Variants in TYW1 observed in about 807,000 individuals in gnomAD.
TYW1 encodes the protein tRNA-yW synthesizing protein 1 homolog, also known as S-adenosyl-L-methionine-dependent tRNA 4-demethylwyosine synthase TYW1.
A neutral mutation model predicts 96.2 loss-of-function variants in TYW1; 46 were observed. The observed-to-expected ratio is 0.48, with a 90% confidence interval of 0.38 to 0.61. The LOEUF is 0.61. TYW1 is among the 20% of genes least tolerant of loss of function. TYW1 has a pLI of 0.00. For missense variants in TYW1, 684 were observed against 909.6 expected, an observed-to-expected ratio of 0.75 and a Z score of 3.19; for synonymous variants, 274 against 323.0, an observed-to-expected ratio of 0.85 and a Z score of 1.63.
At chr7:67,141,959 C>T (rs1307514941) in intron 13 of TYW1, among the ~76,000 whole-genome samples, 4 of 152,218 alleles carry the variant, frequency 2.6e-5, no homozygotes, top group South Asian at 2.1e-4. Flanking sequence ...CGCTTGAACC[C>T]GGGAGGTGGA....
intron 12 of TYW1, among the ~76,000 whole-genome samples, chr7:67,101,553 T>C (rs1454049111): frequency 1.3e-5 from 2 of 152,182 alleles, no homozygotes; most frequent in Non-Finnish European, 1.5e-5. Flanking sequence ...TCTAGCTTTG[T>C]CGCCCAGGCT....
chr7:67,156,192 C>G (rs1457386765), intron 13 of TYW1, among the ~76,000 whole-genome samples: 1 of 152,124 alleles, frequency 6.6e-6, no homozygotes, highest in African/African-American at 2.4e-5. Context: ...CATGCTCATG[C>G]AATAGTGGTG....
At chr7:67,128,549 C>T (rs925938885) in intron 13 of TYW1, among the ~76,000 whole-genome samples, 1 of 152,072 alleles carries the variant, frequency 6.6e-6, no homozygotes, top group African/African-American at 2.4e-5. Context: ...TGCTTTTTGC[C>T]TTTTAGTGTG....
At chr7:67,068,758 A>C (rs985626199) in intron 10 of TYW1, among the ~76,000 whole-genome samples, 3 of 152,066 alleles carry the variant, frequency 2.0e-5, no homozygotes, top group African/African-American at 7.2e-5. Flanking sequence ...TTCCTTCTCC[A>C]TTTCCAATTT....
At chr7:67,070,454 A>G (rs749458493) in intron 10 of TYW1, among the ~76,000 whole-genome samples, 1 of 150,668 alleles carries the variant, frequency 6.6e-6, no homozygotes, top group African/African-American at 2.4e-5. Context: ...TTTTTTTTCT[A>G]CTTAGACAAG....
intron 6 of TYW1, among the ~76,000 whole-genome samples, chr7:67,020,003 T>TTGCA (rs1794188520): frequency 6.6e-6 from 1 of 152,264 alleles, no homozygotes; most frequent in Non-Finnish European, 1.5e-5. Flanking sequence ...TTCATTCCAA[T>TTGCA]TTCATTTCAG....
chr7:67,004,861 T>A (rs1440363811), intron 3 of TYW1, among the ~76,000 whole-genome samples: 6 of 152,184 alleles, frequency 3.9e-5, no homozygotes, highest in African/African-American at 1.4e-4. Context: ...GTTCAAGTGA[T>A]TCTCCTGCCT....
intron 13 of TYW1, among the ~76,000 whole-genome samples, chr7:67,157,700 A>T (rs1799028214): frequency 6.6e-6 from 1 of 152,166 alleles, no homozygotes; most frequent in South Asian, 2.1e-4. Flanking sequence ...CCTTACATTT[A>T]ATGGACTTAC....
At chr7:67,052,917 A>G (rs1010464755) in intron 8 of TYW1, among the ~76,000 whole-genome samples, 29 of 151,402 alleles carry the variant, frequency 1.9e-4, no homozygotes, top group Admixed American at 6.6e-4. Flanking sequence ...AATTTTTTGT[A>G]TTTTTAGTAG....
In TYW1 at chr7:67,018,072, C is replaced by T. The variant is rs142141313; in HGVS notation, c.790C>T (p.His264Tyr). Residue 264 changes from histidine (H) to tyrosine (Y), a missense_variant, in exon 6 of 16, where the codon CAC becomes TAC. By Grantham distance (83) the His-to-Tyr change is moderately conservative. Transcript: ENST00000359626. The stretch of plus-strand genomic sequence containing the variant: ...CTGCAAGAAAGGCAAATGTGAATCT[C>T]ACCAACATGGCTCAGAGGAGAGGGA... Reference protein sequence around the residue: ...GHCKKGKCESHQHGSEEREEG... With the variant: ...GHCKKGKCESYQHGSEEREEG... 5.4e-5 allele frequency: 87 copies of T among 1,614,004 alleles called. No homozygotes were observed. Among genetic ancestry groups the T allele is most frequent in the Middle Eastern group, 1.6e-4 (1 of 6,084 alleles).
chr7:67,118,087 G>A (rs1315300888), intron 13 of TYW1, among the ~76,000 whole-genome samples: 2 of 152,304 alleles, frequency 1.3e-5, no homozygotes, highest in Non-Finnish European at 2.9e-5. Flanking sequence ...TACTTTGGGA[G>A]GGCGAGGCAG....
At position 67,009,540 on chromosome 7, in the gene TYW1, G is replaced by A. The variant is rs1324888359; in HGVS notation, c.274-43G>A. The A allele has an allele frequency of 7.7e-6, 12 of 1,562,502 alleles. No individual in the cohort carries two copies. The Admixed American group carries it at 2.2e-4, about 28-fold the overall frequency. ...ACAGGGGTAATGAGGGTTATATTTGGCTCATTGAAGACTTTATTTGATGTT... is the reference window on the plus strand; with the variant it reads ...ACAGGGGTAATGAGGGTTATATTTGACTCATTGAAGACTTTATTTGATGTT... On this transcript the variant is annotated intron_variant, in intron 3 of 15. Transcript: ENST00000359626.
At chr7:66,997,138 T>C (rs13312467) in intron 1 of TYW1, among the ~76,000 whole-genome samples, 156 bp downstream of exon 1, 25 of 152,270 alleles carry the variant, frequency 1.6e-4, no homozygotes, top group Non-Finnish European at 3.4e-4. Flanking sequence ...CAAGGAGGAC[T>C]GATCCCTACT....
intron 9 of TYW1, among the ~76,000 whole-genome samples, chr7:67,063,064 G>A (rs1795746564): frequency 6.6e-6 from 1 of 152,028 alleles, no homozygotes; most frequent in Non-Finnish European, 1.5e-5. Context: ...TGAGCAAATT[G>A]AATTCAGCCA....
rs367638874 is a variant in TYW1 at position 67,116,333 on chromosome 7, A to AAAAAG, written c.1563-1130_1563-1126dup. ...GAGGGAGAATCCATCTCAAAAAAAAAAAAAGAAAAGAAAAGAAAAGAAAAA... is the reference window on the plus strand; with the variant it reads ...GAGGGAGAATCCATCTCAAAAAAAAAAAAAGAAAAGAAAAGAAAAGAAAAGAAAAA... On this transcript the variant is annotated intron_variant, in intron 12 of 15. Transcript: ENST00000359626. 9.6e-3 allele frequency among the ~76,000 whole-genome samples: 1,445 copies of AAAAAG among 150,368 alleles called. 26 individuals carry two copies. The highest frequency in any genetic ancestry group is 0.057 in the East Asian group (288 of 5,084).
chr7:67,236,636 G>T (rs1160426108), intron 15 of TYW1, among the ~76,000 whole-genome samples: 16 of 152,130 alleles, frequency 1.1e-4, no homozygotes, highest in Admixed American at 1.0e-3. Context: ...AGTTCACAGG[G>T]CCCTTGAGGC....
chr7:67,086,424 G>A (rs73134291), intron 11 of TYW1, among the ~76,000 whole-genome samples: 25,564 of 151,718 alleles, frequency 0.17, 2,309 homozygotes, highest in Middle Eastern at 0.23. Context: ...GAACCAGTGG[G>A]TGTATGTGTA....
chr7:67,160,652 T>TG (rs1799132752), intron 13 of TYW1, among the ~76,000 whole-genome samples: 1 of 149,704 alleles, frequency 6.7e-6, no homozygotes, highest in Non-Finnish European at 1.5e-5. Context: ...AGTGCAGTGA[T>TG]GCGATTTCGG....
At chr7:67,235,471 A>G (rs1439284101) in intron 15 of TYW1, among the ~76,000 whole-genome samples, 2 of 152,292 alleles carry the variant, frequency 1.3e-5, no homozygotes, top group East Asian at 3.9e-4. Flanking sequence ...TGCCTCTGTC[A>G]TGAATACACA....
Sources: allele counts gnomAD v4.1 joint callset (sites outside exome capture counted in the v4.1 genomes callset), GRCh38; gene constraint gnomAD v4.1.1; transcripts MANE v1.5; gene names NCBI Gene and HGNC (gene_info 2026-07-23, HGNC 2026-07-21).